The following ALG9 variants were observed in gnomAD, a reference collection of about 807,000 sequenced individuals.
ALG9 encodes the protein alpha-1,2-mannosyltransferase ALG9.
Under a neutral mutation model 81.8 loss-of-function variants are expected in ALG9, and 55 were observed. The observed-to-expected ratio is 0.67, with a 90% confidence interval of 0.54 to 0.84. The LOEUF (loss-of-function observed/expected upper bound fraction) is 0.84, where lower values mean the gene tolerates loss of function less well. Among genes scored for constraint, ALG9 ranks in the 40% least tolerant of loss-of-function variants. ALG9 has a pLI of 0.00. For synonymous variants in ALG9, 278 were observed against 274.3 expected (o/e 1.01, Z -0.13); for missense variants, 629 against 745.0 (o/e 0.84, Z 1.81).
chr11:111,865,733 T>C (rs2137227849), intron 3 of ALG9, among the ~76,000 whole-genome samples: 1 of 152,308 alleles, frequency 6.6e-6, no homozygotes, highest in Admixed American at 6.5e-5. Flanking sequence ...TATACATCAG[T>C]TACAGCTATG....
chr11:111,863,065 C>T (rs1555149373), intron 4 of ALG9, among the ~76,000 whole-genome samples: 1 of 152,132 alleles, frequency 6.6e-6, no homozygotes, highest in Non-Finnish European at 1.5e-5. Flanking sequence ...CACTACCAAC[C>T]CAGAACAATT....
At chr11:111,836,796 A>G (rs1955368714) in intron 12 of ALG9, 2 of 182,168 alleles carry the variant, frequency 1.1e-5, no homozygotes. Flanking sequence ...TTTTAATTTA[A>G]TCATTAATGA....
At chr11:111,808,660 T>TCCGTTTCTGAGCCCCAGA (rs1381774592) in intron 14 of ALG9, among the ~76,000 whole-genome samples, 4 of 152,212 alleles carry the variant, frequency 2.6e-5, no homozygotes, top group African/African-American at 9.6e-5. Flanking sequence ...CTGGGCCCAG[T>TCCGTTTCTGAGCCCCAGA]CCGTTTCTGA....
chr11:111,861,949 C>CT (rs1427682758), intron 4 of ALG9, among the ~76,000 whole-genome samples: 1 of 152,114 alleles, frequency 6.6e-6, no homozygotes, highest in Non-Finnish European at 1.5e-5. Flanking sequence ...GTGTAATTGC[C>CT]TAACACTCCT....
chr11:111,809,906 T>C lies in ALG9; in HGVS notation c.1603-133A>G, dbSNP rs1950463240. The C allele has an allele frequency of 7.9e-6, 8 of 1,011,804 alleles. No homozygotes were observed. In the South Asian group the frequency reaches 9.3e-5, roughly 12 times the overall value. 62.7% of individuals were successfully genotyped at this position (1,011,804 alleles called of 1,614,324 possible). On this transcript the variant is annotated intron_variant, in intron 13 of 14. Coordinates refer to ENST00000616540, the MANE Select transcript of ALG9 (RefSeq NM_024740.2). ...ATCCAAGTCTTCAGACAATGTTGCC[T>C]ATGCTCTCTCCACTCAGATAAGAGT...
rs117006915 is a variant in ALG9, at chr11:111,806,543, C to T, written c.1733+3100G>A. Among the ~76,000 whole-genome samples the T allele has an allele frequency of 6.7e-3, 1,014 of 152,304 alleles. 6 individuals carry two copies. The highest frequency in any genetic ancestry group is 0.051 in the Middle Eastern group (15 of 294). ...TTTCCTACTACTTTACTGATGATTG[C>T]CCTCAGTCACCTTTGCTGGTTCCTC... On this transcript the variant is annotated intron_variant, in intron 14 of 14. Coordinates refer to ENST00000616540, the MANE Select transcript of ALG9 (RefSeq NM_024740.2).
intron 10 of ALG9, among the ~76,000 whole-genome samples, chr11:111,838,893 T>C (rs1234965323): frequency 6.6e-6 from 1 of 152,154 alleles, no homozygotes; most frequent in Non-Finnish European, 1.5e-5. Flanking sequence ...ACTAGATGAA[T>C]ATAATATAAA....
chr11:111,821,490 A>G (rs1952370345), intron 13 of ALG9, among the ~76,000 whole-genome samples: 1 of 152,186 alleles, frequency 6.6e-6, no homozygotes, highest in Non-Finnish European at 1.5e-5. Context: ...GACTCCGCCA[A>G]GCCCATTCCC....
downstream of ALG9, among the ~76,000 whole-genome samples, chr11:111,780,165 C>G (rs1945849391): frequency 6.6e-6 from 1 of 152,166 alleles, no homozygotes; most frequent in Non-Finnish European, 1.5e-5. Flanking sequence ...CTGACCCAAA[C>G]TTGTTCAGAA....
Position 111,840,691 on chromosome 11 carries a change from T to C in ALG9, c.1137A>G (p.Ile379Met). 6.2e-7 allele frequency: 1 copy of C among 1,613,948 alleles called. No homozygotes were observed. The highest frequency in any genetic ancestry group is 8.5e-7 in the Non-Finnish European group (1 of 1,179,968). ...ERFLFPVYPL[I>M]CLCGAVALSA... The stretch of plus-strand genomic sequence containing the variant: ...AGAGAGCCACAGCGCCACAGAGACA[T>C]ATAAGTGGATACACAGGGAAAAGAA... Residue 379 changes from isoleucine to methionine, a missense_variant, in exon 10 of 15, where the codon ATA becomes ATG. Coordinates refer to ENST00000616540, the MANE Select transcript of ALG9 (RefSeq NM_024740.2).
At chr11:111,857,839 T>C (rs1958951667) in intron 5 of ALG9, 102 bp from the exon 6 acceptor site, 3 of 1,296,074 alleles carry the variant, frequency 2.3e-6, no homozygotes, top group Non-Finnish European at 3.3e-6. Context: ...TTATAAAATG[T>C]CAATAAACAG....
At chr11:111,788,988 A>C (rs1946922935) in intron 14 of ALG9, among the ~76,000 whole-genome samples, 1 of 150,750 alleles carries the variant, frequency 6.6e-6, no homozygotes, top group Non-Finnish European at 1.5e-5. Context: ...CAGTGGACCC[A>C]ATTTTAGTTT....
intron 13 of ALG9, among the ~76,000 whole-genome samples, chr11:111,813,873 G>C (rs1209853915): frequency 6.6e-6 from 1 of 152,214 alleles, no homozygotes; most frequent in African/African-American, 2.4e-5. Flanking sequence ...AAGTTGGTAA[G>C]AGTTCTTTAG....
chr11:111,870,102 G>GT lies in ALG9; in HGVS notation c.270+129dup, dbSNP rs372396527. 86,405 of 887,320 alleles carry GT rather than the reference G, an allele frequency of 0.097. 58 individuals carry two copies. The highest frequency in any genetic ancestry group is 0.13 in the Middle Eastern group (305 of 2,432). The allele number at this position is 887,320 out of a possible 1,614,324, so 55.0% of individuals were successfully genotyped here. A position where few individuals can be genotyped will look rare whatever the true frequency, so the allele number is the denominator to read the frequency against. ...GCTGGGATTATAGGCCTGTTTTTTT[G>GT]TTTTTTTTTTTAAGAAAATACAGTT... is the stretch of plus-strand genomic sequence containing the variant. On this transcript the variant is annotated intron_variant, in intron 2 of 14. Transcript: ENST00000616540.
intron 14 of ALG9, among the ~76,000 whole-genome samples, chr11:111,801,996 A>G (rs1555080782): frequency 6.6e-6 from 1 of 152,200 alleles, no homozygotes; most frequent in East Asian, 1.9e-4. Flanking sequence ...TCCTACCATC[A>G]CTGTTGCTTC....
downstream of ALG9, among the ~76,000 whole-genome samples, chr11:111,781,238 A>G (rs1465872007): frequency 6.6e-6 from 1 of 152,236 alleles, no homozygotes; most frequent in Non-Finnish European, 1.5e-5. Context: ...GCACAACACC[A>G]GATGGCTGCT....
At chr11:111,842,132 G>A (rs1956304571) in intron 9 of ALG9, among the ~76,000 whole-genome samples, 1 of 152,108 alleles carries the variant, frequency 6.6e-6, no homozygotes, top group Admixed American at 6.6e-5. Context: ...TCTGACCTCA[G>A]GTGATCCACC....
At position 111,782,914 on chromosome 11, in the gene ALG9, T is replaced by C. The variant is rs1182773542; in HGVS notation, c.*3483A>G. On this transcript the variant is annotated 3_prime_UTR_variant, in exon 15 of 15. Coordinates refer to ENST00000616540, the MANE Select transcript of ALG9 (RefSeq NM_024740.2). ...AACTTGAATTCGGTAATAAAGAGTA[T>C]GGGCTGCAATTTTCTGTGATTATCT... The C allele has an allele frequency of 2.6e-5, 4 of 152,210 alleles. No homozygotes were observed. The highest frequency in any genetic ancestry group is 5.9e-5 in the Non-Finnish European group (4 of 68,030). 9.4% of individuals were successfully genotyped at this position (152,210 alleles called of 1,614,324 possible).
In ALG9 at chr11:111,868,690, G is replaced by A; in HGVS notation, c.317C>T (p.Ser106Phe). 6.2e-7 allele frequency: 1 copy of A among 1,613,694 alleles called. No individual in the cohort carries two copies. The highest frequency in any genetic ancestry group is 8.5e-7 in the Non-Finnish European group (1 of 1,179,736). ...YGEGFQTWEY[S>F]PAYAIRSYAY... ...ATAGGAGCGAATGGCATATGCTGGG[G>A]AATATTCCCAAGTCTGAAACCCTTC... The change falls in exon 3 of 15, where the codon TCC (serine) becomes TTC (phenylalanine). Residue 106 changes from serine (S) to phenylalanine (F), a missense_variant. By Grantham distance (155) the Ser-to-Phe change is radical. Coordinates refer to ENST00000616540, the MANE Select transcript of ALG9 (RefSeq NM_024740.2).
Sources: gnomAD v4.1 joint callset for allele counts (sites outside exome capture counted in the v4.1 genomes callset) on GRCh38, gnomAD v4.1.1 for gene constraint, MANE v1.5 for transcripts, NCBI Gene and HGNC (gene_info 2026-07-23, HGNC 2026-07-21) for gene names.